ZNF618: variants seen among roughly 807,000 people sequenced by gnomAD.
The protein encoded by ZNF618 is zinc finger protein 618.
ZNF618 carries 34 observed loss-of-function variants against 103.0 expected under a neutral mutation model. The observed-to-expected ratio is 0.33, with a 90% CI of 0.25 to 0.44. The LOEUF is 0.44. Ranked by LOEUF, ZNF618 falls within the 20% of genes least tolerant of loss-of-function variation. The pLI is 1.00. For missense variants in ZNF618, 1,059 were observed against 1,295.4 expected, an observed-to-expected ratio of 0.82 and a Z score of 2.80; for synonymous variants, 551 against 542.2, an observed-to-expected ratio of 1.02 and a Z score of -0.23.
At chr9:113,910,861 T>C (rs1387207597) in intron 1 of ZNF618, among the ~76,000 whole-genome samples, 2 of 152,000 alleles carry the variant, frequency 1.3e-5, no homozygotes, top group African/African-American at 4.8e-5. Flanking sequence ...GATGGAGTCT[T>C]GCTCTGTCGA....
intron 1 of ZNF618, among the ~76,000 whole-genome samples, chr9:113,905,163 G>T (rs1830879073): frequency 6.6e-6 from 1 of 152,002 alleles, no homozygotes; most frequent in Non-Finnish European, 1.5e-5. Flanking sequence ...TCTGCCTCCT[G>T]GTTCAAGCGA....
chr9:113,901,283 T>C (rs949475989), intron 1 of ZNF618, among the ~76,000 whole-genome samples: 6 of 152,238 alleles, frequency 3.9e-5, no homozygotes, highest in African/African-American at 1.4e-4. Flanking sequence ...CCTGCGTCGT[T>C]GGGCCTCAGC....
At chr9:113,974,748 C>T (rs1212970697) in intron 2 of ZNF618, among the ~76,000 whole-genome samples, 1 of 152,150 alleles carries the variant, frequency 6.6e-6, no homozygotes, top group African/African-American at 2.4e-5. Flanking sequence ...CCTGCACCCC[C>T]TGCCTGGTCT....
chr9:114,050,895 T>G lies in ZNF618; in HGVS notation c.*728T>G, dbSNP rs1276173355. 6.5e-6 allele frequency: 1 copy of G among 152,694 alleles called. No individual in the cohort carries two copies. The highest frequency in any genetic ancestry group is 1.9e-4 in the East Asian group (1 of 5,188). 9.5% of individuals were successfully genotyped at this position (152,694 alleles called of 1,614,324 possible). On this transcript the variant is annotated 3_prime_UTR_variant, in exon 15 of 15. Coordinates refer to ENST00000374126, the MANE Select transcript of ZNF618 (RefSeq NM_001318042.2). ...TGCTGCCTTTGAGATACCCCTTGGG[T>G]GTCCCGGGGCAGCCGCCTTAGAAAC...
intron 1 of ZNF618, among the ~76,000 whole-genome samples, chr9:113,949,330 C>T (rs760334876): frequency 2.6e-5 from 4 of 152,198 alleles, no homozygotes; most frequent in Non-Finnish European, 5.9e-5. Context: ...TTCAAGGGGT[C>T]GGTGGCAGAG....
chr9:113,887,270 A>G (rs1030383273), intron 1 of ZNF618, among the ~76,000 whole-genome samples: 4 of 152,172 alleles, frequency 2.6e-5, no homozygotes, highest in African/African-American at 9.7e-5. Flanking sequence ...GAGAGTTTAT[A>G]AGACAGAGAA....
intron 1 of ZNF618, among the ~76,000 whole-genome samples, chr9:113,880,639 C>T (rs1828425317): frequency 1.3e-5 from 2 of 152,062 alleles, no homozygotes; most frequent in South Asian, 4.1e-4. Context: ...TAGTGAATCA[C>T]AATCAGAATT....
intron 1 of ZNF618, among the ~76,000 whole-genome samples, chr9:113,888,355 C>T (rs1013716424): frequency 6.6e-6 from 1 of 152,268 alleles, no homozygotes; most frequent in African/African-American, 2.4e-5. Context: ...GGGTCTGGGA[C>T]TCCCTGGCTT....
chr9:114,023,395 A>G (rs1017360329), intron 10 of ZNF618, among the ~76,000 whole-genome samples: 24 of 152,234 alleles, frequency 1.6e-4, no homozygotes, highest in African/African-American at 5.5e-4. Flanking sequence ...ACAATGGCAT[A>G]CTTCCCATTT....
At chr9:113,955,145 TC>T (rs1241791804) in intron 1 of ZNF618, among the ~76,000 whole-genome samples, 1 of 106,412 alleles carries the variant, frequency 9.4e-6, no homozygotes, top group Non-Finnish European at 1.9e-5. Context: ...GAGTGACTTC[TC>T]TTTTTTTTTT....
chr9:113,967,667 G>A (rs374133958), intron 1 of ZNF618, among the ~76,000 whole-genome samples: 2 of 152,174 alleles, frequency 1.3e-5, no homozygotes, highest in South Asian at 2.1e-4. Context: ...GATATTATGG[G>A]GTGGAGGGGG....
intron 1 of ZNF618, among the ~76,000 whole-genome samples, chr9:113,959,287 CAA>C (rs61697954): frequency 7.0e-6 from 1 of 142,454 alleles, no homozygotes; most frequent in African/African-American, 2.6e-5. Context: ...AACTCTGTCT[CAA>C]AAAAAAAAAA....
At chr9:113,989,801 C>A (rs1477956489) in intron 3 of ZNF618, among the ~76,000 whole-genome samples, 1 of 152,230 alleles carries the variant, frequency 6.6e-6, no homozygotes, top group Non-Finnish European at 1.5e-5. Flanking sequence ...GCCAGCTGTT[C>A]CCTGCTGGTT....
At chr9:113,907,068 G>A (rs1242946127) in intron 1 of ZNF618, among the ~76,000 whole-genome samples, 2 of 152,216 alleles carry the variant, frequency 1.3e-5, no homozygotes, top group African/African-American at 4.8e-5. Flanking sequence ...GGGCTTTAAC[G>A]GAAGTCCCAA....
chr9:113,906,367 C>A (rs1435230134), intron 1 of ZNF618, among the ~76,000 whole-genome samples: 1 of 152,156 alleles, frequency 6.6e-6, no homozygotes, highest in Non-Finnish European at 1.5e-5. Context: ...CCTGGCTGTT[C>A]CTCCTTTGGC....
At chr9:114,017,634 G>A (rs762759721) in intron 10 of ZNF618, among the ~76,000 whole-genome samples, 5 of 152,160 alleles carry the variant, frequency 3.3e-5, no homozygotes, top group South Asian at 2.1e-4. Context: ...GTTTAGCAGC[G>A]TTTTTGGAAG....
At chr9:113,936,805 CTATT>C (rs1464924552) in intron 1 of ZNF618, among the ~76,000 whole-genome samples, 1 of 152,046 alleles carries the variant, frequency 6.6e-6, no homozygotes, top group Non-Finnish European at 1.5e-5. Context: ...AAAATGTGCT[CTATT>C]TATTATTTTT....
chr9:113,988,382 G>A lies in ZNF618; in HGVS notation c.139G>A (p.Glu47Lys), dbSNP rs756981948. The A allele has an allele frequency of 7.4e-6, 12 of 1,613,410 alleles. No homozygotes were observed. In the Admixed American group the frequency reaches 1.2e-4, roughly 16 times the overall value. The part of the protein sequence containing the change: ...KVEGPEPVPA[E>K]ASLSAEQGTM... Reference sequence around the variant, plus strand: ...GGAGGGCCCAGAGCCAGTGCCAGCCGAGGCCTCGCTGAGTGCCGAGCAAGG... The same window carrying A: ...GGAGGGCCCAGAGCCAGTGCCAGCCAAGGCCTCGCTGAGTGCCGAGCAAGG... Residue 47 changes from glutamate to lysine, a missense_variant, in exon 3 of 15, where the codon GAG (glutamate) becomes AAG (lysine). Glu to Lys is a moderately conservative substitution (Grantham distance 56). Around this residue, in one of 6 missense-constraint regions of ZNF618, gnomAD observed 194 missense variants for 209.0 expected, o/e 0.93. Transcript: ENST00000374126.
At chr9:113,914,953 G>C (rs1249591898) in intron 1 of ZNF618, among the ~76,000 whole-genome samples, 1 of 152,130 alleles carries the variant, frequency 6.6e-6, no homozygotes, top group Non-Finnish European at 1.5e-5. Flanking sequence ...CTGATCCTTT[G>C]AAATTTGCAC....
Sources: allele counts gnomAD v4.1 joint callset (sites outside exome capture counted in the v4.1 genomes callset), GRCh38; gene constraint gnomAD v4.1.1; regional missense constraint gnomAD v4.1.1; transcripts MANE v1.5; gene names NCBI Gene and HGNC (gene_info 2026-07-23, HGNC 2026-07-21).